Variants in ERC2 observed in about 807,000 individuals in gnomAD.
ERC2 encodes the protein ERC protein 2.
In ERC2, 42 loss-of-function variants were observed where a neutral mutation model predicts 114.8. That is an observed-to-expected ratio of 0.37 (90% confidence interval 0.29 to 0.47). The LOEUF is 0.47. Among genes scored for constraint, ERC2 ranks in the 20% least tolerant of loss-of-function variants. The pLI is 0.99. For synonymous variants in ERC2, 454 were observed against 425.5 expected (o/e 1.07, Z -0.82); for missense variants, 939 against 1,150.7 (o/e 0.82, Z 2.66).
At chr3:56,233,311 A>G (rs1409783146) in intron 3 of ERC2, among the ~76,000 whole-genome samples, 2 of 152,204 alleles carry the variant, frequency 1.3e-5, no homozygotes, top group Non-Finnish European at 2.9e-5. Context: ...AAAAATTACC[A>G]TAAATTTAAC....
At chr3:56,369,651 G>A (rs910793681) in intron 2 of ERC2, among the ~76,000 whole-genome samples, 8 of 151,572 alleles carry the variant, frequency 5.3e-5, no homozygotes, top group Non-Finnish European at 1.2e-4. Context: ...TTTTTGTCCT[G>A]TATCTCCATG....
At chr3:56,034,782 T>C (rs2074686486) in intron 7 of ERC2, among the ~76,000 whole-genome samples, 1 of 151,870 alleles carries the variant, frequency 6.6e-6, no homozygotes. Context: ...CAAATAAAAA[T>C]GGAAACATAG....
chr3:55,729,258 T>C (rs1467012753), intron 15 of ERC2, among the ~76,000 whole-genome samples: 1 of 152,162 alleles, frequency 6.6e-6, no homozygotes, highest in African/African-American at 2.4e-5. Flanking sequence ...ATTGGGCTCC[T>C]TGCTATCCCC....
intron 15 of ERC2, among the ~76,000 whole-genome samples, chr3:55,728,353 T>A (rs2065046447): frequency 6.6e-6 from 1 of 152,160 alleles, no homozygotes; most frequent in African/African-American, 2.4e-5. Context: ...GGATAATACA[T>A]GTGCTCAAAA....
chr3:55,616,171 T>C (rs1455661200), intron 17 of ERC2, among the ~76,000 whole-genome samples: 1 of 152,058 alleles, frequency 6.6e-6, no homozygotes, highest in African/African-American at 2.4e-5. Context: ...GGCAAAAGAG[T>C]TTCACAACAT....
chr3:55,615,269 T>C (rs2059076674), intron 17 of ERC2, among the ~76,000 whole-genome samples: 1 of 152,216 alleles, frequency 6.6e-6, no homozygotes, highest in African/African-American at 2.4e-5. Context: ...CCTGTGTAAA[T>C]CACAGACAAA....
chr3:55,765,204 C>A (rs2067692903), intron 14 of ERC2, among the ~76,000 whole-genome samples: 1 of 152,132 alleles, frequency 6.6e-6, no homozygotes, highest in Non-Finnish European at 1.5e-5. Context: ...CAGACCAGGG[C>A]CCATATGTGA....
At chr3:55,751,687 A>T (rs1407918783) in intron 14 of ERC2, among the ~76,000 whole-genome samples, 20 of 152,304 alleles carry the variant, frequency 1.3e-4, no homozygotes. Context: ...GGTAAGGCTG[A>T]GGCCAAGTTA....
intron 14 of ERC2, among the ~76,000 whole-genome samples, chr3:55,762,768 G>T (rs1395400002): frequency 6.6e-6 from 1 of 152,126 alleles, no homozygotes; most frequent in Non-Finnish European, 1.5e-5. Context: ...TTTATTCAAG[G>T]AAGAAAAGCC....
At chr3:55,524,984 T>C (rs1217967164) in intron 17 of ERC2, among the ~76,000 whole-genome samples, 1 of 152,156 alleles carries the variant, frequency 6.6e-6, no homozygotes, top group Non-Finnish European at 1.5e-5. Context: ...TTGGTCATCG[T>C]TAGTGCTGAT....
intron 6 of ERC2, among the ~76,000 whole-genome samples, chr3:56,099,491 A>C (rs1376322867): frequency 2.0e-5 from 3 of 152,174 alleles, no homozygotes; most frequent in Non-Finnish European, 4.4e-5. Context: ...TAAACCAACA[A>C]CTATGGGAGT....
intron 12 of ERC2, among the ~76,000 whole-genome samples, chr3:55,952,540 G>C (rs1283892555): frequency 6.6e-6 from 1 of 152,042 alleles, no homozygotes; most frequent in Non-Finnish European, 1.5e-5. Flanking sequence ...ACCTAAGGCA[G>C]GCGCATTTTC....
rs373442057 is a variant in ERC2 at position 56,293,546 on chromosome 3, G to A, written c.1074+2473C>T. Among the ~76,000 whole-genome samples, 7 of 152,292 alleles carry A rather than the reference G, an allele frequency of 4.6e-5. No homozygotes were observed. In the East Asian group the frequency reaches 5.8e-4, roughly 13 times the overall value. Reference sequence around the variant, plus strand: ...ACAGGGCAGTACAACCCTTCTCATGGGAATGATCCTTTCAGGCCTTCAAGT... The same window carrying A: ...ACAGGGCAGTACAACCCTTCTCATGAGAATGATCCTTTCAGGCCTTCAAGT... On this transcript the variant is annotated intron_variant, in intron 3 of 17. Coordinates refer to ENST00000288221, the MANE Select transcript of ERC2 (RefSeq NM_015576.3).
In ERC2 at chr3:55,564,165, G is replaced by A. The variant is rs374302270; in HGVS notation, c.*40-52889C>T. On this transcript the variant is annotated intron_variant, in intron 17 of 17. Transcript: ENST00000288221. Reference sequence around the variant, plus strand: ...ATAGGATTTCCCTGCTGAGCAATGGGGTGGATGTCTGCCTGATGTTTTGAA... The same window carrying A: ...ATAGGATTTCCCTGCTGAGCAATGGAGTGGATGTCTGCCTGATGTTTTGAA... Among the ~76,000 whole-genome samples, 32 of 152,284 alleles carry A rather than the reference G, an allele frequency of 2.1e-4. 1 individual carries two copies. Among genetic ancestry groups the A allele is most frequent in the East Asian group, 1.4e-3 (7 of 5,178 alleles).
At chr3:56,104,589 G>T (rs1220766834) in intron 6 of ERC2, among the ~76,000 whole-genome samples, 1 of 151,656 alleles carries the variant, frequency 6.6e-6, no homozygotes, top group African/African-American at 2.4e-5. Flanking sequence ...ATTGGGCTAT[G>T]TGTCTTTGAA....
intron 14 of ERC2, among the ~76,000 whole-genome samples, chr3:55,771,710 C>CCATTGCA: frequency 6.6e-6 from 1 of 152,126 alleles, no homozygotes; most frequent in African/African-American, 2.4e-5. Context: ...AACTCTTGCT[C>CCATTGCA]CCATTGCACT....
rs116388547 is a variant in ERC2 at position 55,568,875 on chromosome 3, C to G, written c.*40-57599G>C. On this transcript the variant is annotated intron_variant, in intron 17 of 17. Coordinates refer to ENST00000288221, the MANE Select transcript of ERC2 (RefSeq NM_015576.3). ...TGCTCCCCCTCTGACACGTCCCTGACTGCTCTACCTATCCTCGCTCCACTC... is the reference window on the plus strand; with the variant it reads ...TGCTCCCCCTCTGACACGTCCCTGAGTGCTCTACCTATCCTCGCTCCACTC... Among the ~76,000 whole-genome samples, 956 of 152,336 alleles carry G rather than the reference C, an allele frequency of 6.3e-3. 7 individuals are homozygous for G. Among genetic ancestry groups the G allele is most frequent in the Non-Finnish European group, 8.8e-3 (601 of 68,036 alleles).
At chr3:55,521,552 G>T (rs1042686849) in intron 17 of ERC2, among the ~76,000 whole-genome samples, 4 of 152,242 alleles carry the variant, frequency 2.6e-5, no homozygotes, top group Non-Finnish European at 4.4e-5. Flanking sequence ...GTCTGCATTT[G>T]CTTCAGGCTG....
At chr3:55,611,906 C>T (rs1276976228) in intron 17 of ERC2, among the ~76,000 whole-genome samples, 1 of 152,206 alleles carries the variant, frequency 6.6e-6, no homozygotes, top group Non-Finnish European at 1.5e-5. Context: ...CAGAGGTCCA[C>T]AGTGACTCTT....
Sources: allele counts gnomAD v4.1 joint callset (sites outside exome capture counted in the v4.1 genomes callset), GRCh38; gene constraint gnomAD v4.1.1; transcripts MANE v1.5; gene names NCBI Gene and HGNC (gene_info 2026-07-23, HGNC 2026-07-21).